The following PALMD variants were observed in gnomAD, a reference collection of about 807,000 sequenced individuals.
The protein encoded by PALMD is paralemmin-like protein.
In PALMD, 42 loss-of-function variants were observed where a neutral mutation model predicts 56.2. The ratio of observed to expected loss-of-function variants is 0.75; its 90% CI spans 0.58 to 0.97. The LOEUF (loss-of-function observed/expected upper bound fraction) is 0.97, where lower values mean the gene tolerates loss of function less well. Among genes scored for constraint, PALMD ranks in the 50% least tolerant of loss-of-function variants. The probability of loss-of-function intolerance (pLI) is 0.00; values close to 1 mark genes in which losing one functional copy is unlikely to be tolerated. For missense variants in PALMD, 660 were observed against 643.8 expected, an observed-to-expected ratio of 1.03 and a Z score of -0.27; for synonymous variants, 242 against 222.9, an observed-to-expected ratio of 1.09 and a Z score of -0.76.
At chr1:99,668,624 G>A (rs938252206) in intron 3 of PALMD, 3 of 152,154 alleles carry the variant, frequency 2.0e-5, no homozygotes, top group Non-Finnish European at 4.4e-5. Flanking sequence ...TCTACTCACA[G>A]TTTCCCTCTT....
intron 3 of PALMD, among the ~76,000 whole-genome samples, chr1:99,681,099 GTA>G (rs372930321): frequency 5.2e-4 from 31 of 59,812 alleles, no homozygotes; most frequent in East Asian, 4.8e-3. Context: ...ATATGTGTGT[GTA>G]TATATGTGTG....
intron 1 of PALMD, among the ~76,000 whole-genome samples, chr1:99,654,627 A>G (rs1245498693): frequency 6.6e-6 from 1 of 152,172 alleles, no homozygotes; most frequent in East Asian, 1.9e-4. Context: ...ATTGTGGTCA[A>G]TTTATATTAC....
intron 6 of PALMD, among the ~76,000 whole-genome samples, chr1:99,688,193 T>C (rs1266338134): frequency 6.6e-6 from 1 of 152,074 alleles, no homozygotes; most frequent in Non-Finnish European, 1.5e-5. Flanking sequence ...AAGTGTGTGA[T>C]TGTAGCCTTC....
intron 1 of PALMD, among the ~76,000 whole-genome samples, chr1:99,660,397 T>C (rs1258441414): frequency 2.0e-5 from 3 of 152,218 alleles, no homozygotes; most frequent in African/African-American, 7.2e-5. Context: ...TTTCCTTTTT[T>C]CAAATGGAAA....
At chr1:99,675,559 C>T (rs938051731) in intron 3 of PALMD, among the ~76,000 whole-genome samples, 2 of 152,118 alleles carry the variant, frequency 1.3e-5, no homozygotes, top group East Asian at 3.8e-4. Flanking sequence ...GCATGTACTA[C>T]AAGGTCCTCT....
chr1:99,682,032 C>T (rs1466026832), intron 3 of PALMD, among the ~76,000 whole-genome samples: 3 of 152,118 alleles, frequency 2.0e-5, no homozygotes, highest in Non-Finnish European at 2.9e-5. Context: ...GAGGAGGTTG[C>T]GGGGGTTCTG....
chr1:99,687,226 A>T (rs1653523177), intron 6 of PALMD, 37 bp downstream of exon 6: 1 of 1,562,814 alleles, frequency 6.4e-7, no homozygotes. Flanking sequence ...CATGTTCTTA[A>T]TTTCAGATTT....
intron 7 of PALMD, 129 bp from the exon 8 acceptor site, chr1:99,693,890 C>T (rs1653719453): frequency 1.5e-6 from 1 of 663,658 alleles, no homozygotes; most frequent in Admixed American, 2.8e-5. Context: ...GCTACTAAAT[C>T]AATGCTCACA....
At chr1:99,663,963 T>G (rs1422022218) in intron 2 of PALMD, among the ~76,000 whole-genome samples, 1 of 152,146 alleles carries the variant, frequency 6.6e-6, no homozygotes, top group Non-Finnish European at 1.5e-5. Context: ...TTATCATGTT[T>G]TGGACTGCCA....
At chr1:99,670,885 G>A (rs1238510331) in intron 3 of PALMD, among the ~76,000 whole-genome samples, 1 of 151,704 alleles carries the variant, frequency 6.6e-6, no homozygotes, top group Non-Finnish European at 1.5e-5. Flanking sequence ...TTGTAAAGCT[G>A]CTAAAAAAAA....
At chr1:99,670,694 C>T (rs1653065044) in intron 3 of PALMD, among the ~76,000 whole-genome samples, 1 of 152,052 alleles carries the variant, frequency 6.6e-6, no homozygotes, top group South Asian at 2.1e-4. Context: ...TTCTTGTGAC[C>T]TATAGAGGCA....
At chr1:99,648,149 A>C (rs1186247386) in intron 1 of PALMD, among the ~76,000 whole-genome samples, 1 of 152,228 alleles carries the variant, frequency 6.6e-6, no homozygotes, top group East Asian at 1.9e-4. Flanking sequence ...AAGATCACAA[A>C]GTAATTCTAG....
intron 3 of PALMD, among the ~76,000 whole-genome samples, chr1:99,672,468 T>C (rs1653107796): frequency 6.6e-6 from 1 of 152,212 alleles, no homozygotes; most frequent in Non-Finnish European, 1.5e-5. Flanking sequence ...CACAAATTTA[T>C]ACCTGGTTTA....
chr1:99,654,406 A>T (rs2100854676), intron 1 of PALMD, among the ~76,000 whole-genome samples: 1 of 152,284 alleles, frequency 6.6e-6, no homozygotes, highest in African/African-American at 2.4e-5. Flanking sequence ...TAGATGAAGA[A>T]ATGTTTGCAT....
intron 3 of PALMD, among the ~76,000 whole-genome samples, chr1:99,682,085 C>T (rs758940758): frequency 6.6e-6 from 1 of 152,204 alleles, no homozygotes; most frequent in Non-Finnish European, 1.5e-5. Context: ...TTCTAAGTCT[C>T]TCATCATTTC....
At chr1:99,681,246 A>T (rs1422488706) in intron 3 of PALMD, among the ~76,000 whole-genome samples, 2 of 151,868 alleles carry the variant, frequency 1.3e-5, no homozygotes, top group Non-Finnish European at 2.9e-5. Flanking sequence ...GAATATATAT[A>T]TTTTTTCTAT....
At chr1:99,682,817 T>G (rs12068929) in intron 3 of PALMD, among the ~76,000 whole-genome samples, 1 of 151,182 alleles carries the variant, frequency 6.6e-6, no homozygotes. Flanking sequence ...ACCAGCCTGG[T>G]CAACATGGTG....
chr1:99,683,136 AAG>A lies in PALMD; in HGVS notation c.252-3538_252-3537del, dbSNP rs1653406952. The A allele has an allele frequency of 3.2e-5, 4 of 124,942 alleles. No individual in the cohort carries two copies. The East Asian group carries it at 6.2e-4, about 19-fold the overall frequency. The allele number at this position is 124,942 out of a possible 1,614,324, so 7.7% of individuals were successfully genotyped here. Reference sequence around the variant, plus strand: ...AAAGAAAGAAAGAAAGAAAGAAAGAAAGAAAGAAAGAAAGAAAGAAAGAAAGA... The same window carrying A: ...AAAGAAAGAAAGAAAGAAAGAAAGAAAAAGAAAGAAAGAAAGAAAGAAAGA... On this transcript the variant is annotated intron_variant, in intron 3 of 7. Coordinates refer to ENST00000263174, the MANE Select transcript of PALMD (RefSeq NM_017734.5).
chr1:99,692,735 C>T lies in PALMD; in HGVS notation c.1613-1284C>T, dbSNP rs550557123. On this transcript the variant is annotated intron_variant, in intron 7 of 7. Coordinates refer to ENST00000263174, the MANE Select transcript of PALMD (RefSeq NM_017734.5). The stretch of plus-strand genomic sequence containing the variant: ...TCCTACTCTCTTTTGTTGGTAGGGG[C>T]AAGATAGAGGTCCATAAAATCCAAC... Among the ~76,000 whole-genome samples the T allele has an allele frequency of 7.2e-5, 11 of 152,282 alleles. 1 individual carries two copies. In the South Asian group the frequency reaches 2.3e-3, roughly 32 times the overall value.
Sources: gnomAD v4.1 joint callset for allele counts (sites outside exome capture counted in the v4.1 genomes callset) on GRCh38, gnomAD v4.1.1 for gene constraint, MANE v1.5 for transcripts, NCBI Gene and HGNC (gene_info 2026-07-23, HGNC 2026-07-21) for gene names.